MAP3K3: variants seen among roughly 807,000 people sequenced by gnomAD.
The protein encoded by MAP3K3 is MAP/ERK kinase kinase 3.
Under a neutral mutation model 80.9 loss-of-function variants are expected in MAP3K3, and 12 were observed. That is an observed-to-expected ratio of 0.15 (90% CI 0.10 to 0.24). The LOEUF (loss-of-function observed/expected upper bound fraction) is 0.24. MAP3K3 is among the 10% of genes least tolerant of loss of function. The pLI, the probability that MAP3K3 is intolerant of heterozygous loss-of-function variation, is 1.00. For synonymous variants in MAP3K3, 272 were observed against 307.1 expected (o/e 0.89, Z 1.19); for missense variants, 596 against 834.7 (o/e 0.71, Z 3.52).
chr17:63,688,501 C>CT, intron 8 of MAP3K3, 26 bp from the exon 9 acceptor site: 1 of 1,599,200 alleles, frequency 6.3e-7, no homozygotes, highest in Non-Finnish European at 8.6e-7. Flanking sequence ...GTGCGGGAGT[C>CT]TGTTTTTTCT....
chr17:63,655,107 G>T (rs144242325), intron 4 of MAP3K3, among the ~76,000 whole-genome samples: 3 of 152,142 alleles, frequency 2.0e-5, no homozygotes, highest in African/African-American at 7.2e-5. Context: ...TCACAGTTCA[G>T]CATGGCTGGG....
chr17:63,633,058 T>C (rs781351650), intron 2 of MAP3K3, among the ~76,000 whole-genome samples: 1 of 151,908 alleles, frequency 6.6e-6, no homozygotes, highest in African/African-American at 2.4e-5. Flanking sequence ...TGAAACCCTG[T>C]CCCTACTAAA....
intron 5 of MAP3K3, among the ~76,000 whole-genome samples, chr17:63,666,607 A>G (rs1270774058): frequency 2.0e-5 from 3 of 152,080 alleles, no homozygotes; most frequent in African/African-American, 7.2e-5. Context: ...CTCTCTGGAG[A>G]ATTTTATGAG....
chr17:63,640,276 G>A (rs1005154478), intron 2 of MAP3K3, among the ~76,000 whole-genome samples: 5 of 152,186 alleles, frequency 3.3e-5, no homozygotes, highest in Non-Finnish European at 7.3e-5. Context: ...GGGCAACATA[G>A]CGAGACCCCA....
intron 2 of MAP3K3, 90 bp from the exon 3 acceptor site, chr17:63,645,944 T>G (rs1275102740): frequency 3.1e-6 from 3 of 965,498 alleles, no homozygotes; most frequent in Non-Finnish European, 5.0e-6. Context: ...TGCCTAATGT[T>G]GCTAACGAAC....
intron 4 of MAP3K3, among the ~76,000 whole-genome samples, chr17:63,657,238 A>G (rs574099698): frequency 6.6e-6 from 1 of 152,154 alleles, no homozygotes; most frequent in South Asian, 2.1e-4. Flanking sequence ...TTGCAACTTG[A>G]TATTTTGAAG....
chr17:63,665,268 C>G (rs2034977301), intron 5 of MAP3K3, among the ~76,000 whole-genome samples: 1 of 151,978 alleles, frequency 6.6e-6, no homozygotes. Flanking sequence ...CAGGTTCATG[C>G]CCTTCTTCTG....
At chr17:63,636,141 A>G (rs2034318604) in intron 2 of MAP3K3, among the ~76,000 whole-genome samples, 1 of 152,250 alleles carries the variant, frequency 6.6e-6, no homozygotes, top group Non-Finnish European at 1.5e-5. Flanking sequence ...GAGGCCTGGA[A>G]GAACTGAAAA....
chr17:63,659,689 C>T (rs1171336330), intron 5 of MAP3K3, among the ~76,000 whole-genome samples: 6 of 151,688 alleles, frequency 4.0e-5, no homozygotes, highest in Admixed American at 6.6e-5. Flanking sequence ...CACGACACCA[C>T]GCCCCGCTAA....
intron 10 of MAP3K3, 65 bp downstream of exon 10, chr17:63,688,946 G>A (rs1488227881): frequency 7.9e-7 from 1 of 1,260,580 alleles, no homozygotes; most frequent in East Asian, 2.3e-5. Flanking sequence ...CATGGGGAGG[G>A]TGGGTTCGTC....
chr17:63,650,656 T>A (rs1212779530), intron 3 of MAP3K3, among the ~76,000 whole-genome samples: 3 of 122,052 alleles, frequency 2.5e-5, no homozygotes, highest in African/African-American at 3.9e-5. Context: ...CTCTGTCTCT[T>A]ATAGAGAGAG....
chr17:63,640,925 A>G (rs757199472), intron 2 of MAP3K3, among the ~76,000 whole-genome samples: 17 of 152,178 alleles, frequency 1.1e-4, no homozygotes, highest in Non-Finnish European at 2.2e-4. Flanking sequence ...TGCCTCTACC[A>G]CAGTAGTACT....
chr17:63,691,131 G>A lies in MAP3K3; in HGVS notation c.1242G>A (p.Gln414=), dbSNP rs1347255762. ...KEVSALECEI[Q]LLKNLQHERI... The stretch of plus-strand genomic sequence containing the variant: ...TGAGTGCTCTGGAGTGCGAGATCCA[G>A]TTGCTAAAGAACTTGCAGCATGAGC... Residue 414 remains glutamine, a synonymous_variant, in exon 13 of 16, where the codon CAG becomes CAA. Coordinates refer to ENST00000361733, the MANE Select transcript of MAP3K3 (RefSeq NM_002401.5). The surrounding 1 kb of genome is among the most constrained non-coding windows in gnomAD (Gnocchi z 4.8). The A allele has an allele frequency of 6.2e-7, 1 of 1,614,204 alleles. No homozygotes were observed. Among genetic ancestry groups the A allele is most frequent in the Non-Finnish European group, 8.5e-7 (1 of 1,180,032 alleles).
intron 1 of MAP3K3, among the ~76,000 whole-genome samples, chr17:63,632,154 G>C (rs915913654): frequency 6.6e-6 from 1 of 152,088 alleles, no homozygotes; most frequent in African/African-American, 2.4e-5. Flanking sequence ...CAATGAATTG[G>C]TAAATATTGC....
In MAP3K3 at chr17:63,693,718, C is replaced by G. The variant is rs61737831; in HGVS notation, c.1822C>G (p.Arg608Gly). The change falls in exon 16 of 16, where the codon CGC becomes GGC. Residue 608 changes from arginine (R) to glycine (G), a missense_variant. Transcript: ENST00000361733. This position sits in a 1 kb window ranked among gnomAD's most constrained non-coding sequence, Gnocchi z 4.2. Reference sequence around the variant, plus strand: ...CCTGAGGCGCATTTTTGTGGAGGCTCGCCAGAGACCTTCAGCTGAGGAGCT... The same window carrying G: ...CCTGAGGCGCATTTTTGTGGAGGCTGGCCAGAGACCTTCAGCTGAGGAGCT... ...DFLRRIFVEA[R>G]QRPSAEELLT... 6.2e-7 allele frequency: 1 copy of G among 1,603,330 alleles called. No individual in the cohort carries two copies. The highest frequency in any genetic ancestry group is 8.5e-7 in the Non-Finnish European group (1 of 1,173,204).
intron 5 of MAP3K3, among the ~76,000 whole-genome samples, chr17:63,665,928 G>C (rs143128911): frequency 0.016 from 2,485 of 152,208 alleles, 28 homozygotes; most frequent in Middle Eastern, 0.031. Flanking sequence ...TTTTTGTTAG[G>C]GGGAGGTAGA....
chr17:63,686,705 T>C (rs2035457208), intron 8 of MAP3K3, among the ~76,000 whole-genome samples: 1 of 152,062 alleles, frequency 6.6e-6, no homozygotes, highest in Non-Finnish European at 1.5e-5. Flanking sequence ...TTCAGGTGGG[T>C]GCTGGGAAAG....
At chr17:63,670,912 T>C (rs933518505) in intron 6 of MAP3K3, among the ~76,000 whole-genome samples, 13 of 152,156 alleles carry the variant, frequency 8.5e-5, no homozygotes, top group African/African-American at 3.1e-4. Context: ...GATCATTGCA[T>C]GGAAAGTAGT....
At chr17:63,641,036 AC>A (rs2034431266) in intron 2 of MAP3K3, among the ~76,000 whole-genome samples, 1 of 152,176 alleles carries the variant, frequency 6.6e-6, no homozygotes, top group Non-Finnish European at 1.5e-5. Flanking sequence ...ATTCTGAAAC[AC>A]TTTTGGCCCC....
Sources: gnomAD v4.1 joint callset for allele counts (sites outside exome capture counted in the v4.1 genomes callset) on GRCh38, gnomAD v4.1.1 for gene constraint, Gnocchi (gnomAD v3.1) non-coding constraint, MANE v1.5 for transcripts, NCBI Gene and HGNC (gene_info 2026-07-23, HGNC 2026-07-21) for gene names.